The following GEMIN5 variants were observed in gnomAD, a reference collection of about 807,000 sequenced individuals.
The protein encoded by GEMIN5 is gem nuclear organelle associated protein 5, also known as gem-associated protein 5.
In GEMIN5, 124 loss-of-function variants were observed where a neutral mutation model predicts 176.9. The observed-to-expected ratio is 0.70, with a 90% CI of 0.61 to 0.81. The LOEUF is 0.81. GEMIN5 is among the 40% of genes least tolerant of loss of function. The probability of loss-of-function intolerance (pLI) is 0.00; values close to 1 mark genes in which losing one functional copy is unlikely to be tolerated. For synonymous variants in GEMIN5, 673 were observed against 665.2 expected (o/e 1.01, Z -0.18); for missense variants, 1,843 against 1,814.6 (o/e 1.02, Z -0.28).
intron 26 of GEMIN5, 43 bp from the exon 27 acceptor site, chr5:154,889,460 G>T: frequency 9.0e-7 from 1 of 1,107,662 alleles, no homozygotes; most frequent in African/African-American, 1.5e-5. Flanking sequence ...GTCTTGCCCT[G>T]GGTAACATTT....
chr5:154,897,891 C>T (rs1012185498), intron 23 of GEMIN5, among the ~76,000 whole-genome samples: 1 of 149,500 alleles, frequency 6.7e-6, no homozygotes, highest in Non-Finnish European at 1.5e-5. Flanking sequence ...AAGGCCTGGG[C>T]TGACTAAGGT....
Position 154,901,322 on chromosome 5 carries a change from T to A in GEMIN5, c.3014+17A>T, listed in dbSNP as rs758370707. The A allele has an allele frequency of 1.9e-6, 3 of 1,605,698 alleles. No homozygotes were observed. In the African/African-American group the frequency reaches 4.0e-5, roughly 21 times the overall value. ...CATTATGTCCAAGTATTATCCCAAC[T>A]CTAGGACCACACAGACCTGTAAAAA... On this transcript the variant is annotated intron_variant, in intron 21 of 27. Coordinates refer to ENST00000285873, the MANE Select transcript of GEMIN5 (RefSeq NM_015465.5).
intron 13 of GEMIN5, among the ~76,000 whole-genome samples, chr5:154,913,775 C>CCA (rs1242756785): frequency 6.6e-6 from 1 of 152,064 alleles, no homozygotes; most frequent in East Asian, 1.9e-4. Flanking sequence ...TGAGATCGTG[C>CCA]CACTGTACTA....
Position 154,888,147 on chromosome 5 carries a change from A to C in GEMIN5, c.*63T>G. The C allele has an allele frequency of 6.8e-7, 1 of 1,461,016 alleles. No individual in the cohort carries two copies. The highest frequency in any genetic ancestry group is 9.6e-7 in the Non-Finnish European group (1 of 1,042,520). The allele number at this position is 1,461,016 out of a possible 1,614,324, so 90.5% of individuals were successfully genotyped here. Reference sequence around the variant, plus strand: ...CAGAGTGAATGTCTGGTGAGGCATAACTGCAGAGGTGAAAGATGTCAAACA... The same window carrying C: ...CAGAGTGAATGTCTGGTGAGGCATACCTGCAGAGGTGAAAGATGTCAAACA... On this transcript the variant is annotated 3_prime_UTR_variant, in exon 28 of 28. Coordinates refer to ENST00000285873, the MANE Select transcript of GEMIN5 (RefSeq NM_015465.5).
At chr5:154,909,133 ATTTTTT>A (rs70981958) in intron 15 of GEMIN5, among the ~76,000 whole-genome samples, 6 of 99,732 alleles carry the variant, frequency 6.0e-5, no homozygotes, top group Non-Finnish European at 1.1e-4. Context: ...TAATTTTTGT[ATTTTTT>A]TTTTTTTTTT....
chr5:154,932,394 A>G (rs1764187497), intron 3 of GEMIN5, 144 bp from the exon 4 acceptor site: 1 of 617,070 alleles, frequency 1.6e-6, no homozygotes, highest in Non-Finnish European at 2.8e-6. Context: ...AGGACAAAAA[A>G]TAATTTTGCT....
Position 154,911,759 on chromosome 5 carries a change from G to A in GEMIN5, c.2135C>T (p.Thr712Ile), listed in dbSNP as rs111511808. The change falls in exon 15 of 28, where the codon ACT (threonine) becomes ATT (isoleucine). Residue 712 changes from threonine (T) to isoleucine (I), a missense_variant. Physicochemically the swap from Thr to Ile is moderately conservative, Grantham distance 89. Coordinates refer to ENST00000285873, the MANE Select transcript of GEMIN5 (RefSeq NM_015465.5). The part of the protein sequence containing the change: ...ADDFCVHKWL[T>I]SMQDHSRPPQ... ...AGGCCGGGAATGATCTTGCATGGAAGTGAGCCACTTGTGCACACAAAAGTC... is the reference window on the plus strand; with the variant it reads ...AGGCCGGGAATGATCTTGCATGGAAATGAGCCACTTGTGCACACAAAAGTC... 62 of 1,614,066 alleles carry A rather than the reference G, an allele frequency of 3.8e-5. 3 individuals are homozygous for A. Among genetic ancestry groups the A allele is most frequent in the African/African-American group, 3.3e-4 (25 of 75,052 alleles).
chr5:154,928,751 T>C lies in GEMIN5; in HGVS notation c.782-92A>G, dbSNP rs1221963585. 5 of 1,053,884 alleles carry C rather than the reference T, an allele frequency of 4.7e-6. No homozygotes were observed. The African/African-American group carries it at 6.4e-5, about 13-fold the overall frequency. 65.3% of individuals were successfully genotyped at this position (1,053,884 alleles called of 1,614,324 possible). A position where few individuals can be genotyped will look rare whatever the true frequency, so the allele number is the denominator to read the frequency against. On this transcript the variant is annotated intron_variant, in intron 5 of 27. Coordinates refer to ENST00000285873, the MANE Select transcript of GEMIN5 (RefSeq NM_015465.5). Reference sequence around the variant, plus strand: ...GGTTCATAACACACAGTCTGCGCTGTAAAAGCTTGTTAGTTTGGCTACTTA... The same window carrying C: ...GGTTCATAACACACAGTCTGCGCTGCAAAAGCTTGTTAGTTTGGCTACTTA...
chr5:154,921,480 G>T, intron 9 of GEMIN5, 55 bp from the exon 10 acceptor site: 1 of 777,902 alleles, frequency 1.3e-6, no homozygotes, highest in African/African-American at 1.8e-5. Context: ...AAGGCATAAT[G>T]AAAAACAGAC....
Position 154,938,095 on chromosome 5 carries a change from G to T in GEMIN5, c.39C>A (p.Asn13Lys), listed in dbSNP as rs1213858240. The T allele has an allele frequency of 6.9e-7, 1 of 1,449,828 alleles. No individual in the cohort carries two copies. The highest frequency in any genetic ancestry group is 2.8e-5 in the Admixed American group (1 of 35,798). The allele number at this position is 1,449,828 out of a possible 1,614,324, so 89.8% of individuals were successfully genotyped here. ...CATCGCTGCAGCGGGCGCAGTACCA[G>T]TTGGGGGAGGGCGGCAGCGTCCGCG... ...QEPRTLPPSPNWYCARCSDAV... is the reference protein window; with the variant it reads ...QEPRTLPPSPKWYCARCSDAV... Residue 13 changes from asparagine to lysine, a missense_variant, in exon 1 of 28, where the codon AAC (asparagine) becomes AAA (lysine). Coordinates refer to ENST00000285873, the MANE Select transcript of GEMIN5 (RefSeq NM_015465.5).
intron 8 of GEMIN5, 50 bp from the exon 9 acceptor site, chr5:154,924,604 G>T: frequency 9.1e-7 from 1 of 1,094,756 alleles, no homozygotes; most frequent in Non-Finnish European, 1.4e-6. Context: ...GGGGCATATA[G>T]TTAAAGGAAT....
Position 154,931,460 on chromosome 5 carries a change from C to A in GEMIN5, c.779G>T (p.Arg260Leu), listed in dbSNP as rs187542130. The A allele has an allele frequency of 6.2e-7, 1 of 1,605,178 alleles. No individual in the cohort carries two copies. Among genetic ancestry groups the A allele is most frequent in the African/African-American group, 1.3e-5 (1 of 74,730 alleles). Residue 260 changes from arginine to leucine, a missense_variant and splice_region_variant, in exon 5 of 28, where the codon CGA (arginine) becomes CTA (leucine). Arg to Leu is a moderately radical substitution (Grantham distance 102). Coordinates refer to ENST00000285873, the MANE Select transcript of GEMIN5 (RefSeq NM_015465.5). ...CACAAAAGAAAGATCAATCTTACCT[C>A]GGCCTCTAGAACAGCTCCAGATTCG... Reference protein sequence around the residue: ...TIRIWSCSRGRGVMILKLPFL... With the variant: ...TIRIWSCSRGLGVMILKLPFL...
intron 27 of GEMIN5, among the ~76,000 whole-genome samples, chr5:154,889,084 G>A (rs532781306): frequency 1.9e-4 from 29 of 152,178 alleles, no homozygotes; most frequent in African/African-American, 6.7e-4. Context: ...CACCATGTTA[G>A]CCAGGATGGT....
chr5:154,902,424 G>C (rs1561713523), intron 20 of GEMIN5, 115 bp downstream of exon 20: 5 of 935,052 alleles, frequency 5.3e-6, no homozygotes, highest in Non-Finnish European at 8.2e-6. Context: ...CTATTGCTTT[G>C]TATCTATTTG....
chr5:154,905,437 C>T lies in GEMIN5; in HGVS notation c.2435G>A (p.Gly812Asp). 1 of 1,606,286 alleles carries T rather than the reference C, an allele frequency of 6.2e-7. No homozygotes were observed. Among genetic ancestry groups the T allele is most frequent in the Non-Finnish European group, 8.5e-7 (1 of 1,175,120 alleles). Residue 812 changes from glycine (G) to aspartate (D), a missense_variant, in exon 17 of 28, where the codon GGC (glycine) becomes GAC (aspartate). Physicochemically the swap from Gly to Asp is moderately conservative, Grantham distance 94. Transcript: ENST00000285873. Reference sequence around the variant, plus strand: ...AATGGTGACTTTTGACTTTTCAAAGCCTGAGGAAACTGGAGTGCAGATAAC... The same window carrying T: ...AATGGTGACTTTTGACTTTTCAAAGTCTGAGGAAACTGGAGTGCAGATAAC... ...EPVICTPVSS[G>D]FEKSKVTINN...
intron 15 of GEMIN5, among the ~76,000 whole-genome samples, chr5:154,908,474 C>G (rs372512201): frequency 1.3e-5 from 2 of 152,182 alleles, no homozygotes; most frequent in Non-Finnish European, 1.5e-5. Context: ...AGCCACCACG[C>G]CCGGCCTACC....
Position 154,917,697 on chromosome 5 carries a change from A to C in GEMIN5, c.1673+234T>G, listed in dbSNP as rs143295209. On this transcript the variant is annotated intron_variant, in intron 12 of 27. Coordinates refer to ENST00000285873, the MANE Select transcript of GEMIN5 (RefSeq NM_015465.5). Reference sequence around the variant, plus strand: ...GGAGGTGACCATTTTGTGAGGGACAAGACAGCCAAAATACAGTGTAGCCAA... The same window carrying C: ...GGAGGTGACCATTTTGTGAGGGACACGACAGCCAAAATACAGTGTAGCCAA... Among the ~76,000 whole-genome samples, 10 of 152,368 alleles carry C rather than the reference A, an allele frequency of 6.6e-5. No individual in the cohort carries two copies. The East Asian group carries it at 1.5e-3, about 23-fold the overall frequency.
At chr5:154,937,806 A>G (rs1172445081) in intron 1 of GEMIN5, among the ~76,000 whole-genome samples, 162 bp downstream of exon 1, 1 of 152,226 alleles carries the variant, frequency 6.6e-6, no homozygotes, top group Non-Finnish European at 1.5e-5. Flanking sequence ...GTAGCTCATT[A>G]GGAGACCAGA....
At position 154,921,285 on chromosome 5, in the gene GEMIN5, G is replaced by T. The variant is rs574289005; in HGVS notation, c.1462+58C>A. 2.4e-4 allele frequency: 201 copies of T among 829,910 alleles called. 2 individuals carry two copies. In the African/African-American group the frequency reaches 2.9e-3, roughly 12 times the overall value. The allele number at this position is 829,910 out of a possible 1,614,324, so 51.4% of individuals were successfully genotyped here. A position where few individuals can be genotyped will look rare whatever the true frequency, so the allele number is the denominator to read the frequency against. Reference sequence around the variant, plus strand: ...GACTCTTTCCATCTTTAATATTTTAGGATTAAACTGAAGGAAGAATACTCT... The same window carrying T: ...GACTCTTTCCATCTTTAATATTTTATGATTAAACTGAAGGAAGAATACTCT... On this transcript the variant is annotated intron_variant, in intron 10 of 27. Coordinates refer to ENST00000285873, the MANE Select transcript of GEMIN5 (RefSeq NM_015465.5).
Sources: gnomAD v4.1 joint callset for allele counts (sites outside exome capture counted in the v4.1 genomes callset) on GRCh38, gnomAD v4.1.1 for gene constraint, MANE v1.5 for transcripts, NCBI Gene and HGNC (gene_info 2026-07-23, HGNC 2026-07-21) for gene names.